The following DNAH7 variants were observed in gnomAD, a reference collection of about 807,000 sequenced individuals.
DNAH7 encodes dynein axonemal heavy chain 7.
Under a neutral mutation model 444.6 loss-of-function variants are expected in DNAH7, and 397 were observed. The ratio of observed to expected loss-of-function variants is 0.89; its 90% CI spans 0.82 to 0.97. The LOEUF is 0.97. DNAH7 is among the 50% of genes least tolerant of loss of function. The pLI, the probability that DNAH7 is intolerant of heterozygous loss-of-function variation, is 0.00. For synonymous variants in DNAH7, 1,636 were observed against 1,624.4 expected (o/e 1.01, Z -0.17); for missense variants, 4,902 against 4,800.8 (o/e 1.02, Z -0.62).
intron 9 of DNAH7, among the ~76,000 whole-genome samples, chr2:196,017,616 G>A (rs1695114059): frequency 1.3e-5 from 2 of 152,188 alleles, no homozygotes; most frequent in Non-Finnish European, 1.5e-5. Flanking sequence ...AGAGAATCCA[G>A]AAAGACATTC....
rs1267279903 is a variant in DNAH7, at chr2:195,856,096, T to A, written c.8415-105A>T. 7.9e-6 allele frequency: 8 copies of A among 1,009,664 alleles called. No homozygotes were observed. The East Asian group carries it at 1.3e-4, about 16-fold the overall frequency. The allele number at this position is 1,009,664 out of a possible 1,614,324, so 62.5% of individuals were successfully genotyped here. A position where few individuals can be genotyped will look rare whatever the true frequency, so the allele number is the denominator to read the frequency against. On this transcript the variant is annotated intron_variant, in intron 44 of 64. Coordinates refer to ENST00000312428, the MANE Select transcript of DNAH7 (RefSeq NM_018897.3). Reference sequence around the variant, plus strand: ...TACCCTTACTATAACTGAAAACACTTCTTTATGCAAAAATCTAAACCGATT... The same window carrying A: ...TACCCTTACTATAACTGAAAACACTACTTTATGCAAAAATCTAAACCGATT...
At chr2:196,043,242 A>G (rs901291911) in intron 5 of DNAH7, among the ~76,000 whole-genome samples, 43 of 151,728 alleles carry the variant, frequency 2.8e-4, no homozygotes, top group Admixed American at 1.9e-3. Flanking sequence ...AAAAAAAGGG[A>G]AAAAAAAGCC....
At chr2:196,040,770 G>A (rs563477654) in intron 5 of DNAH7, among the ~76,000 whole-genome samples, 1 of 152,092 alleles carries the variant, frequency 6.6e-6, no homozygotes, top group South Asian at 2.1e-4. Context: ...AAAGGTAGAA[G>A]TCAAATTGTT....
At chr2:195,921,352 TACACACACAC>T (rs140152411) in intron 24 of DNAH7, among the ~76,000 whole-genome samples, 2,587 of 140,434 alleles carry the variant, frequency 0.018, 58 homozygotes, top group African/African-American at 0.06. Context: ...AAATGTGGTG[TACACACACAC>T]ACACACACAC....
At chr2:195,942,838 C>A (rs1234786898) in intron 19 of DNAH7, among the ~76,000 whole-genome samples, 1 of 152,080 alleles carries the variant, frequency 6.6e-6, no homozygotes, top group Non-Finnish European at 1.5e-5. Flanking sequence ...GGACAGAGAA[C>A]ATATACCATG....
intron 24 of DNAH7, among the ~76,000 whole-genome samples, chr2:195,915,424 T>C (rs1687614193): frequency 6.6e-6 from 1 of 152,218 alleles, no homozygotes; most frequent in Non-Finnish European, 1.5e-5. Flanking sequence ...TTGGTGTTAC[T>C]GGAATACTGA....
At chr2:195,850,927 G>A (rs1288738033) in intron 46 of DNAH7, among the ~76,000 whole-genome samples, 2 of 152,270 alleles carry the variant, frequency 1.3e-5, no homozygotes, top group Non-Finnish European at 2.9e-5. Flanking sequence ...GTCCCAACCA[G>A]GGGGAAGGGA....
chr2:195,765,513 G>A (rs567912536), intron 61 of DNAH7, among the ~76,000 whole-genome samples: 3 of 152,174 alleles, frequency 2.0e-5, no homozygotes, highest in East Asian at 3.9e-4. Context: ...ATATAAGATG[G>A]TCAAACAACT....
intron 63 of DNAH7, among the ~76,000 whole-genome samples, chr2:195,742,287 G>T (rs577812409): frequency 7.0e-4 from 106 of 152,222 alleles, no homozygotes; most frequent in Admixed American, 2.6e-3. Flanking sequence ...TTATAGTATG[G>T]AATACAATGG....
intron 40 of DNAH7, among the ~76,000 whole-genome samples, chr2:195,868,017 T>C (rs1700450260): frequency 6.6e-6 from 1 of 152,024 alleles, no homozygotes; most frequent in South Asian, 2.1e-4. Flanking sequence ...GTTTTCTATA[T>C]TACATTACTG....
intron 63 of DNAH7, among the ~76,000 whole-genome samples, chr2:195,745,787 G>A (rs1250582479): frequency 5.9e-5 from 9 of 152,112 alleles, no homozygotes; most frequent in East Asian, 5.8e-4. Flanking sequence ...ATACTTTACC[G>A]ACAAGCAAAT....
At chr2:195,835,701 G>A (rs1320749241) in intron 47 of DNAH7, among the ~76,000 whole-genome samples, 3 of 151,928 alleles carry the variant, frequency 2.0e-5, no homozygotes, top group African/African-American at 7.2e-5. Context: ...AAAATTAGCT[G>A]GGCGTGGTGG....
chr2:195,985,742 C>T (rs188585227), intron 14 of DNAH7, among the ~76,000 whole-genome samples: 23 of 152,150 alleles, frequency 1.5e-4, no homozygotes, highest in Middle Eastern at 3.4e-3. Context: ...GAAGTAGCTA[C>T]GAAATTAAAA....
intron 21 of DNAH7, among the ~76,000 whole-genome samples, chr2:195,928,597 C>A (rs747036364): frequency 1.3e-5 from 2 of 151,942 alleles, no homozygotes; most frequent in Non-Finnish European, 2.9e-5. Context: ...CGTTATCACA[C>A]AAAAATTAAA....
chr2:195,962,807 A>G (rs958746707), intron 17 of DNAH7, among the ~76,000 whole-genome samples: 1 of 152,130 alleles, frequency 6.6e-6, no homozygotes, highest in African/African-American at 2.4e-5. Context: ...TCTACTCTGT[A>G]TCTCCATGAG....
Position 196,051,198 on chromosome 2 carries a change from G to A in DNAH7, c.130C>T (p.Gln44Ter), listed in dbSNP as rs1333314869. The A allele has an allele frequency of 6.2e-7, 1 of 1,613,438 alleles. No homozygotes were observed. The highest frequency in any genetic ancestry group is 8.5e-7 in the Non-Finnish European group (1 of 1,179,446). Reference sequence around the variant, plus strand: ...TTTGGATAAGTTACCATAGACAGCTGTGGTAAAGCTCTTGCTGGTGCCTTG... The same window carrying A: ...TTTGGATAAGTTACCATAGACAGCTATGGTAAAGCTCTTGCTGGTGCCTTG... Reference protein sequence around the residue: ...KFKAPARALPQLSMVSTKPHW... With the variant: ...KFKAPARALP The change falls in exon 3 of 65, where the codon CAG becomes TAG. Residue 44 changes from glutamine to a stop codon, truncating the protein, a stop_gained. Coordinates refer to ENST00000312428, the MANE Select transcript of DNAH7 (RefSeq NM_018897.3). LOFTEE classifies it high-confidence loss of function.
chr2:195,925,395 C>T (rs1206411184), intron 22 of DNAH7, among the ~76,000 whole-genome samples: 1 of 152,120 alleles, frequency 6.6e-6, no homozygotes, highest in African/African-American at 2.4e-5. Context: ...AAAATGAATT[C>T]TCTGGACTCA....
chr2:196,009,502 T>C (rs1694598524), intron 10 of DNAH7, among the ~76,000 whole-genome samples: 1 of 151,920 alleles, frequency 6.6e-6, no homozygotes, highest in East Asian at 1.9e-4. Flanking sequence ...ACAGGAAGAG[T>C]AGCAGGTTTG....
chr2:195,995,103 T>C (rs10192901), intron 12 of DNAH7: 11,464 of 245,902 alleles, frequency 0.047, 469 homozygotes, highest in African/African-American at 0.13. Flanking sequence ...CTAATTTTTG[T>C]ATTTTTAGTA....
Sources: allele counts gnomAD v4.1 joint callset (sites outside exome capture counted in the v4.1 genomes callset), GRCh38; gene constraint gnomAD v4.1.1; transcripts MANE v1.5; gene names NCBI Gene and HGNC (gene_info 2026-07-23, HGNC 2026-07-21).